FBXO31: variants seen among roughly 807,000 people sequenced by gnomAD.
FBXO31 encodes the protein F-box protein 31.
In FBXO31, 24 loss-of-function variants were observed where a neutral mutation model predicts 54.4. The observed-to-expected ratio is 0.44, with a 90% CI of 0.32 to 0.62. The LOEUF (loss-of-function observed/expected upper bound fraction) is 0.62, where lower values mean the gene tolerates loss of function less well. Among genes scored for constraint, FBXO31 ranks in the 20% least tolerant of loss-of-function variants. FBXO31 has a pLI of 0.05. For synonymous variants in FBXO31, 388 were observed against 335.6 expected (o/e 1.16, Z -1.71); for missense variants, 665 against 787.1 (o/e 0.84, Z 1.86).
At chr16:87,357,819 G>A (rs994496981) in intron 2 of FBXO31, among the ~76,000 whole-genome samples, 1 of 151,988 alleles carries the variant, frequency 6.6e-6, no homozygotes, top group Admixed American at 6.6e-5. Flanking sequence ...TGTAATCCTA[G>A]CTACCTGGGA....
At chr16:87,384,822 T>A (rs1907269148), upstream of FBXO31, among the ~76,000 whole-genome samples, 3 of 152,224 alleles carry the variant, frequency 2.0e-5, no homozygotes, top group South Asian at 6.2e-4. Flanking sequence ...ATGGTGCCAC[T>A]GCACTTCAGC....
rs918438218 is a variant in FBXO31, at chr16:87,329,435, G to C, written c.*1853C>G. 4 of 152,430 alleles carry C rather than the reference G, an allele frequency of 2.6e-5. No homozygotes were observed. The highest frequency in any genetic ancestry group is 6.5e-5 in the Admixed American group (1 of 15,310). 9.4% of individuals were successfully genotyped at this position (152,430 alleles called of 1,614,324 possible). A position where few individuals can be genotyped will look rare whatever the true frequency, so the allele number is the denominator to read the frequency against. ...TCTAGGACTGCGTCCCTTAGAGCGAGGCTCGGGCTCTTGGTAAAAAAGCAT... is the reference window on the plus strand; with the variant it reads ...TCTAGGACTGCGTCCCTTAGAGCGACGCTCGGGCTCTTGGTAAAAAAGCAT... On this transcript the variant is annotated 3_prime_UTR_variant, in exon 9 of 9. Coordinates refer to ENST00000311635, the MANE Select transcript of FBXO31 (RefSeq NM_024735.5).
intron 1 of FBXO31, among the ~76,000 whole-genome samples, chr16:87,388,944 C>G (rs924082833): frequency 1.3e-5 from 2 of 152,124 alleles, no homozygotes; most frequent in African/African-American, 4.8e-5. Flanking sequence ...TTACACTATG[C>G]TTATATTAAC....
Position 87,331,428 on chromosome 16 carries a change from C to T in FBXO31, c.1480G>A (p.Asp494Asn), listed in dbSNP as rs1490218973. The change falls in exon 9 of 9, where the codon GAC becomes AAC. Residue 494 changes from aspartate (D) to asparagine (N), a missense_variant. By Grantham distance (23) the Asp-to-Asn change is conservative. Around this residue, in one of 4 missense-constraint regions of FBXO31, gnomAD observed 71 missense variants for 105.8 expected, o/e 0.67. Coordinates refer to ENST00000311635, the MANE Select transcript of FBXO31 (RefSeq NM_024735.5). ...TPGVFILFDE[D>N]RFGFVWLELK... is the part of the protein sequence containing the mutation. ...TCCAGCCAGACGAACCCGAAGCGGT[C>T]CTCATCGAAGAGGATGAAGACCCCG... 2 of 1,613,704 alleles carry T rather than the reference C, an allele frequency of 1.2e-6. No homozygotes were observed. The highest frequency in any genetic ancestry group is 1.3e-5 in the African/African-American group (1 of 74,932).
chr16:87,382,272 C>T (rs1018318072), intron 1 of FBXO31, among the ~76,000 whole-genome samples: 3 of 152,126 alleles, frequency 2.0e-5, no homozygotes, highest in Non-Finnish European at 2.9e-5. Flanking sequence ...GCATTATATC[C>T]TTTAGGGAAG....
upstream of FBXO31, among the ~76,000 whole-genome samples, chr16:87,384,371 G>A (rs1329396278): frequency 6.6e-6 from 1 of 152,340 alleles, no homozygotes; most frequent in African/African-American, 2.4e-5. Flanking sequence ...GGGATCCCGA[G>A]CTCCCTGCGG....
chr16:87,377,301 C>T (rs1053294202), intron 1 of FBXO31, among the ~76,000 whole-genome samples: 7 of 152,086 alleles, frequency 4.6e-5, no homozygotes, highest in Non-Finnish European at 8.8e-5. Context: ...CAAAAATTAG[C>T]CAGGTGTGTT....
At chr16:87,372,680 C>T (rs979299644) in intron 1 of FBXO31, among the ~76,000 whole-genome samples, 1 of 151,938 alleles carries the variant, frequency 6.6e-6, no homozygotes, top group East Asian at 1.9e-4. Context: ...CCCACTTCAG[C>T]CACCTGAGTA....
chr16:87,392,065 C>T (rs1432489391), upstream of FBXO31: 1 of 214,332 alleles, frequency 4.7e-6, no homozygotes, highest in Non-Finnish European at 9.2e-6. Context: ...GGGGTGCGGC[C>T]CAGCCCACAA....
intron 1 of FBXO31, among the ~76,000 whole-genome samples, chr16:87,365,775 G>A (rs1025229970): frequency 6.6e-6 from 1 of 152,184 alleles, no homozygotes; most frequent in African/African-American, 2.4e-5. Context: ...GTTCACGCCT[G>A]TAATCCCAGC....
intron 1 of FBXO31, among the ~76,000 whole-genome samples, chr16:87,363,701 G>A (rs1186756517): frequency 6.6e-6 from 1 of 152,220 alleles, no homozygotes; most frequent in East Asian, 1.9e-4. Flanking sequence ...AAAGAATCAT[G>A]AGAGAACTGG....
At chr16:87,360,183 G>A (rs1597371715) in intron 2 of FBXO31, 112 bp downstream of exon 2, 1 of 971,544 alleles carries the variant, frequency 1.0e-6, no homozygotes, top group South Asian at 1.4e-5. Context: ...GTAAGATGGT[G>A]TCTGAGAAAA....
Position 87,335,214 on chromosome 16 carries a change from G to T in FBXO31, c.996+90C>A. The T allele has an allele frequency of 3.2e-6, 5 of 1,567,598 alleles. No individual in the cohort carries two copies. The highest frequency in any genetic ancestry group is 2.2e-5 in the South Asian group (2 of 89,718). ...CCACTCTGAGGAGCAAGGGTGCCGG[G>T]GATCAGTGTCTGCCCAAGTTCCCTG... On this transcript the variant is annotated intron_variant, in intron 7 of 8. Coordinates refer to ENST00000311635, the MANE Select transcript of FBXO31 (RefSeq NM_024735.5). The surrounding 1 kb of genome is among the most constrained non-coding windows in gnomAD (Gnocchi z 5.7).
chr16:87,348,719 G>A (rs1192436692), intron 2 of FBXO31, among the ~76,000 whole-genome samples: 2 of 152,184 alleles, frequency 1.3e-5, no homozygotes, highest in Admixed American at 6.5e-5. Flanking sequence ...AGAAAGTGCT[G>A]GGAGCCATCA....
At chr16:87,363,713 C>CAGGGACTCTGTGAGAGTCTCCTGAG (rs1186695525) in intron 1 of FBXO31, among the ~76,000 whole-genome samples, 2 of 152,164 alleles carry the variant, frequency 1.3e-5, no homozygotes, top group African/African-American at 4.8e-5. Context: ...GAGAACTGGA[C>CAGGGACTCTGTGAGAGTCTCCTGAG]AGGGACTCTG....
At chr16:87,385,787 T>A (rs376986521), upstream of FBXO31, among the ~76,000 whole-genome samples, 1 of 152,144 alleles carries the variant, frequency 6.6e-6, no homozygotes, top group African/African-American at 2.4e-5. Context: ...GGCGGGCAGA[T>A]CACCTGAGGT....
At chr16:87,374,920 C>A (rs765435913) in intron 1 of FBXO31, among the ~76,000 whole-genome samples, 2 of 152,202 alleles carry the variant, frequency 1.3e-5, no homozygotes, top group Non-Finnish European at 2.9e-5. Flanking sequence ...TAATGGCTCA[C>A]GCCTGTAATC....
intron 1 of FBXO31, among the ~76,000 whole-genome samples, chr16:87,375,874 A>G (rs1270378874): frequency 2.0e-5 from 3 of 152,150 alleles, no homozygotes; most frequent in Non-Finnish European, 2.9e-5. Context: ...CACTATTAGA[A>G]AAGATTTAAC....
At position 87,383,375 on chromosome 16, in the gene FBXO31, C is replaced by T; in HGVS notation, c.340+30G>A. On this transcript the variant is annotated intron_variant, in intron 1 of 8. Coordinates refer to ENST00000311635, the MANE Select transcript of FBXO31 (RefSeq NM_024735.5). The surrounding 1 kb of genome is among the most constrained non-coding windows in gnomAD (Gnocchi z 4.9). ...TCCACCTGGCAGGGACCCCCCGCCCCTCCCGGCCCCGCCACCCCCGCGCGC... is the reference window on the plus strand; with the variant it reads ...TCCACCTGGCAGGGACCCCCCGCCCTTCCCGGCCCCGCCACCCCCGCGCGC... 1.3e-6 allele frequency: 2 copies of T among 1,498,404 alleles called. No homozygotes were observed. The highest frequency in any genetic ancestry group is 1.5e-5 in the African/African-American group (1 of 68,726). The allele number at this position is 1,498,404 out of a possible 1,614,324, so 92.8% of individuals were successfully genotyped here. A position where few individuals can be genotyped will look rare whatever the true frequency, so the allele number is the denominator to read the frequency against.
Sources: allele counts gnomAD v4.1 joint callset (sites outside exome capture counted in the v4.1 genomes callset), GRCh38; gene constraint gnomAD v4.1.1; regional missense constraint gnomAD v4.1.1; non-coding constraint Gnocchi (gnomAD v3.1); transcripts MANE v1.5; gene names NCBI Gene and HGNC (gene_info 2026-07-23, HGNC 2026-07-21).